AZGP1: variants seen among roughly 807,000 people sequenced by gnomAD.
The protein encoded by AZGP1 is alpha-2-glycoprotein 1, zinc-binding.
Under a neutral mutation model 31.5 loss-of-function variants are expected in AZGP1, and 28 were observed. The ratio of observed to expected loss-of-function variants is 0.89; its 90% CI spans 0.66 to 1.22. The LOEUF (loss-of-function observed/expected upper bound fraction) is 1.22, where lower values mean the gene tolerates loss of function less well. Among genes scored for constraint, AZGP1 ranks in the 50% most tolerant of loss-of-function variants. The pLI, the probability that AZGP1 is intolerant of heterozygous loss-of-function variation, is 0.00. For missense variants in AZGP1, 361 were observed against 371.8 expected (o/e 0.97, Z 0.24); for synonymous variants, 135 against 145.4 (o/e 0.93, Z 0.51).
intron 2 of AZGP1, chr7:99,971,540 G>A (rs1789577155): frequency 6.5e-6 from 4 of 613,472 alleles, no homozygotes; most frequent in African/African-American, 3.7e-5. Context: ...TGAGGCCTGG[G>A]ATGAGGATGG....
chr7:99,972,891 G>A (rs1010033193), intron 1 of AZGP1, among the ~76,000 whole-genome samples: 1 of 152,110 alleles, frequency 6.6e-6, no homozygotes, highest in African/African-American at 2.4e-5. Flanking sequence ...GCCGAGGCGG[G>A]TGGATCACGA....
In AZGP1 at chr7:99,971,950, G is replaced by A. The variant is rs1457135111; in HGVS notation, c.133C>T (p.Pro45Ser). The change falls in exon 2 of 4, where the codon CCC becomes TCC. Residue 45 changes from proline (P) to serine (S), a missense_variant. Transcript: ENST00000292401. ...TGLSKHVEDV[P>S]AFQALGSLND... ...AGTGAGCCAAGGGCCTGAAACGCGG[G>A]GACGTCTTCAACATGCTTGGACAGC... 6.2e-7 allele frequency: 1 copy of A among 1,613,994 alleles called. No individual in the cohort carries two copies. Among genetic ancestry groups the A allele is most frequent in the Non-Finnish European group, 8.5e-7 (1 of 1,180,004 alleles).
intron 2 of AZGP1, among the ~76,000 whole-genome samples, chr7:99,970,659 C>T (rs557843961): frequency 4.6e-5 from 7 of 152,066 alleles, no homozygotes; most frequent in East Asian, 1.9e-4. Context: ...TTCTGATCAC[C>T]TGTGCCCCCT....
At position 99,974,149 on chromosome 7, in the gene AZGP1, C is replaced by T. The variant is rs906227970; in HGVS notation, c.76+1796G>A. On this transcript the variant is annotated intron_variant, in intron 1 of 3. Transcript: ENST00000292401. ...TTAGCCGTGTGTGGCAGTGTACACC[C>T]GAGGCAAGATAATTGCTTGAACCCA... is the stretch of plus-strand genomic sequence containing the variant. 2.9e-4 allele frequency among the ~76,000 whole-genome samples: 44 copies of T among 151,704 alleles called. 1 individual carries two copies. Among genetic ancestry groups the T allele is most frequent in the African/African-American group, 7.3e-5 (3 of 41,242 alleles).
intron 1 of AZGP1, among the ~76,000 whole-genome samples, chr7:99,973,090 C>T (rs540950186): frequency 6.7e-6 from 1 of 149,876 alleles, no homozygotes; most frequent in Non-Finnish European, 1.5e-5. Context: ...GCACTTCAGC[C>T]TAGGTGACAA....
chr7:99,971,064 T>C (rs1789569293), intron 2 of AZGP1, among the ~76,000 whole-genome samples: 1 of 152,074 alleles, frequency 6.6e-6, no homozygotes, highest in South Asian at 2.1e-4. Flanking sequence ...CAGCCCACAG[T>C]TTTGAATCCA....
chr7:99,972,288 G>A (rs541906297), intron 1 of AZGP1, among the ~76,000 whole-genome samples: 2 of 152,338 alleles, frequency 1.3e-5, no homozygotes, highest in East Asian at 3.9e-4. Flanking sequence ...TTGGGACCAT[G>A]TGACTGAGTT....
chr7:99,970,174 T>C (rs188487094), intron 2 of AZGP1, among the ~76,000 whole-genome samples: 42 of 152,330 alleles, frequency 2.8e-4, no homozygotes, highest in African/African-American at 9.9e-4. Flanking sequence ...GCATTATATA[T>C]GCTCATAGAT....
chr7:99,968,784 G>A (rs2525554), intron 2 of AZGP1: 124,555 of 249,640 alleles, frequency 0.5, 32,475 homozygotes, highest in African/African-American at 0.65. Flanking sequence ...GTGATATGGC[G>A]AAATCCCACC....
At chr7:99,973,740 A>AC (rs1220980787) in intron 1 of AZGP1, among the ~76,000 whole-genome samples, 2 of 151,286 alleles carry the variant, frequency 1.3e-5, no homozygotes, top group Non-Finnish European at 2.9e-5. Flanking sequence ...ACATGGTGAA[A>AC]CCCCATCTCT....
chr7:99,973,586 T>G (rs1478695536), intron 1 of AZGP1, among the ~76,000 whole-genome samples: 1 of 152,092 alleles, frequency 6.6e-6, no homozygotes, highest in Admixed American at 6.6e-5. Context: ...GTTAGAAAAC[T>G]ATTTGATAGC....
chr7:99,973,020 G>C (rs1161078652), intron 1 of AZGP1, among the ~76,000 whole-genome samples: 1 of 152,068 alleles, frequency 6.6e-6, no homozygotes, highest in African/African-American at 2.4e-5. Context: ...AGGAGGCTGA[G>C]GCAGGAGAAT....
At chr7:99,971,723 CCT>C in intron 2 of AZGP1, 21 bp downstream of exon 2, 17 of 1,608,374 alleles carry the variant, frequency 1.1e-5, no homozygotes, top group Non-Finnish European at 1.4e-5. Flanking sequence ...ACCTTCCACC[CCT>C]GTGGTCTGTT....
At chr7:99,974,165 C>T (rs1054773196) in intron 1 of AZGP1, among the ~76,000 whole-genome samples, 45 of 152,004 alleles carry the variant, frequency 3.0e-4, no homozygotes, top group Non-Finnish European at 1.3e-4. Context: ...AAGATAATTG[C>T]TTGAACCCAA....
At chr7:99,975,576 C>T (rs1030862916) in intron 1 of AZGP1, among the ~76,000 whole-genome samples, 3 of 152,098 alleles carry the variant, frequency 2.0e-5, no homozygotes, top group Admixed American at 1.3e-4. Context: ...TTTCCCTCAG[C>T]GTCAGGCAGG....
chr7:99,975,876 A>G, intron 1 of AZGP1, 69 bp downstream of exon 1: 2 of 1,563,520 alleles, frequency 1.3e-6, no homozygotes, highest in African/African-American at 1.4e-5. Context: ...CCTGTCTCCC[A>G]GCCACATGTC....
intron 3 of AZGP1, 87 bp downstream of exon 3, chr7:99,968,068 G>C: frequency 2.0e-6 from 3 of 1,528,336 alleles, no homozygotes; most frequent in Non-Finnish European, 2.7e-6. Flanking sequence ...GAACAGATGA[G>C]ACCGGACTAA....
chr7:99,968,278 T>C lies in AZGP1; in HGVS notation c.490A>G (p.Thr164Ala). 1 of 1,613,830 alleles carries C rather than the reference T, an allele frequency of 6.2e-7. No individual in the cohort carries two copies. ...WVPFDPAAQI[T>A]KQKWEAEPVY... ...GGTTCTGCCTCCCACTTCTGCTTGG[T>C]TATCTGGGCTGCTGGGTCGAAGGGG... Residue 164 changes from threonine to alanine, a missense_variant, in exon 3 of 4, where the codon ACC becomes GCC. Thr to Ala is a moderately conservative substitution (Grantham distance 58). Coordinates refer to ENST00000292401, the MANE Select transcript of AZGP1 (RefSeq NM_001185.4).
chr7:99,975,898 C>G, intron 1 of AZGP1, 47 bp downstream of exon 1: 1 of 1,603,404 alleles, frequency 6.2e-7, no homozygotes, highest in Non-Finnish European at 8.5e-7. Context: ...TGTTCCTCAC[C>G]TCCTTCCAGT....
Sources: allele counts gnomAD v4.1 joint callset (sites outside exome capture counted in the v4.1 genomes callset), GRCh38; gene constraint gnomAD v4.1.1; transcripts MANE v1.5; gene names NCBI Gene and HGNC (gene_info 2026-07-23, HGNC 2026-07-21).